Variants in SLC14A2 observed in about 807,000 individuals in gnomAD.
The protein encoded by SLC14A2 is urea transporter 2.
SLC14A2 carries 91 observed loss-of-function variants against 104.6 expected under a neutral mutation model. The ratio of observed to expected loss-of-function variants is 0.87; its 90% CI spans 0.73 to 1.04. The LOEUF is 1.04. SLC14A2 is among the 50% of genes least tolerant of loss of function. SLC14A2 has a pLI of 0.00. For missense variants in SLC14A2, 1,189 were observed against 1,156.0 expected (o/e 1.03, Z -0.41); for synonymous variants, 476 against 466.4 (o/e 1.02, Z -0.27).
At chr18:45,265,629 G>C (rs1211855554) in intron 1 of SLC14A2, among the ~76,000 whole-genome samples, 2 of 152,174 alleles carry the variant, frequency 1.3e-5, no homozygotes, top group African/African-American at 4.8e-5. Context: ...GTCATATTAA[G>C]AGGGAGAGAA....
intron 1 of SLC14A2, among the ~76,000 whole-genome samples, chr18:45,428,561 T>C (rs2086467696): frequency 6.6e-6 from 1 of 152,078 alleles, no homozygotes; most frequent in Admixed American, 6.6e-5. Flanking sequence ...GCCACCCCTA[T>C]AGGCTGGAGG....
At chr18:45,618,045 A>G (rs1459586592) in intron 1 of SLC14A2, among the ~76,000 whole-genome samples, 1 of 152,196 alleles carries the variant, frequency 6.6e-6, no homozygotes, top group Non-Finnish European at 1.5e-5. Context: ...AACAGCAAAG[A>G]GAAAAAGTCC....
intron 1 of SLC14A2, among the ~76,000 whole-genome samples, chr18:45,277,583 A>AT (rs1452095625): frequency 1.3e-5 from 2 of 151,976 alleles, no homozygotes; most frequent in Non-Finnish European, 2.9e-5. Context: ...TAATATTTTA[A>AT]TTTTTTGTAG....
chr18:45,361,201 T>C (rs2144327591), intron 1 of SLC14A2, among the ~76,000 whole-genome samples: 1 of 152,312 alleles, frequency 6.6e-6, no homozygotes, highest in African/African-American at 2.4e-5. Flanking sequence ...TCATCATGTG[T>C]GTGATTTTTA....
intron 1 of SLC14A2, among the ~76,000 whole-genome samples, chr18:45,455,344 AG>A (rs1016761245): frequency 5.3e-5 from 8 of 152,188 alleles, no homozygotes; most frequent in Non-Finnish European, 1.2e-4. Flanking sequence ...TGTCCTTCAC[AG>A]GGACATGGAG....
intron 1 of SLC14A2, among the ~76,000 whole-genome samples, chr18:45,366,396 A>G (rs2085665899): frequency 6.6e-6 from 1 of 152,196 alleles, no homozygotes. Flanking sequence ...TGGGGAAGGC[A>G]TGTGACAATC....
At chr18:45,531,413 C>T (rs2043684835) in intron 2 of SLC14A2, among the ~76,000 whole-genome samples, 1 of 152,180 alleles carries the variant, frequency 6.6e-6, no homozygotes, top group South Asian at 2.1e-4. Context: ...GAGATGGTGT[C>T]TCATTGTGGT....
At chr18:45,317,821 A>T (rs1234895627) in intron 1 of SLC14A2, among the ~76,000 whole-genome samples, 2 of 152,052 alleles carry the variant, frequency 1.3e-5, no homozygotes, top group Non-Finnish European at 2.9e-5. Flanking sequence ...ATTTCTGATG[A>T]TGTTATCCAC....
intron 1 of SLC14A2, among the ~76,000 whole-genome samples, chr18:45,286,909 C>T (rs142873860): frequency 4.6e-5 from 7 of 152,306 alleles, no homozygotes; most frequent in African/African-American, 1.7e-4. Flanking sequence ...TATGTTCATA[C>T]ATTAAACAGG....
At chr18:45,560,425 C>T (rs1440844566) in intron 2 of SLC14A2, among the ~76,000 whole-genome samples, 1 of 152,138 alleles carries the variant, frequency 6.6e-6, no homozygotes, top group Non-Finnish European at 1.5e-5. Flanking sequence ...CCATATACCT[C>T]AGGGATTTAG....
chr18:45,624,242 C>T (rs2144501125), intron 1 of SLC14A2, among the ~76,000 whole-genome samples: 1 of 152,286 alleles, frequency 6.6e-6, no homozygotes, highest in Non-Finnish European at 1.5e-5. Flanking sequence ...AGACACCCCC[C>T]ACCTCCAATC....
chr18:45,279,724 G>C (rs919002663), intron 1 of SLC14A2, among the ~76,000 whole-genome samples: 1 of 152,092 alleles, frequency 6.6e-6, no homozygotes, highest in East Asian at 1.9e-4. Context: ...AAACAAAGAG[G>C]CTTTAGACAC....
At chr18:45,266,673 C>A (rs565369897) in intron 1 of SLC14A2, among the ~76,000 whole-genome samples, 2 of 152,262 alleles carry the variant, frequency 1.3e-5, no homozygotes, top group East Asian at 3.9e-4. Context: ...TGGTATGTGG[C>A]AGTTCTCTGG....
At chr18:45,593,346 G>A (rs1431266848) in intron 2 of SLC14A2, among the ~76,000 whole-genome samples, 1 of 151,678 alleles carries the variant, frequency 6.6e-6, no homozygotes, top group African/African-American at 2.4e-5. Context: ...ATCAATGTGA[G>A]GCAGTGTGAG....
chr18:45,174,391 A>G, the SLC14A2 span, among the ~76,000 whole-genome samples: 1 of 152,046 alleles, frequency 6.6e-6, no homozygotes, highest in Non-Finnish European at 1.5e-5. Flanking sequence ...TTGCTCCACC[A>G]TTTTCCTAAC....
intron 1 of SLC14A2, among the ~76,000 whole-genome samples, chr18:45,372,578 T>C (rs915732231): frequency 2.6e-5 from 4 of 152,142 alleles, no homozygotes; most frequent in East Asian, 1.9e-4. Context: ...AGAGGCGAAG[T>C]CTTCTCAAAC....
intron 3 of SLC14A2, 26 bp downstream of exon 3, chr18:45,625,889 A>G (rs775939934): frequency 1.4e-6 from 2 of 1,415,506 alleles, no homozygotes; most frequent in South Asian, 1.8e-5. Context: ...GGGGAGAGGC[A>G]GCCAGACCAG....
chr18:45,567,673 G>A (rs772740751), intron 2 of SLC14A2, among the ~76,000 whole-genome samples: 8 of 152,040 alleles, frequency 5.3e-5, no homozygotes, highest in South Asian at 2.1e-4. Context: ...GCTGTCCTGC[G>A]TCAAGCAAGC....
chr18:45,270,479 A>G (rs2084640491), intron 1 of SLC14A2, among the ~76,000 whole-genome samples: 1 of 152,128 alleles, frequency 6.6e-6, no homozygotes, highest in East Asian at 1.9e-4. Flanking sequence ...CCATAAAACT[A>G]TAAATCATTT....
Sources: allele counts gnomAD v4.1 joint callset (sites outside exome capture counted in the v4.1 genomes callset), GRCh38; gene constraint gnomAD v4.1.1; transcripts MANE v1.5; gene names NCBI Gene and HGNC (gene_info 2026-07-23, HGNC 2026-07-21).